CARMIL1: variants seen among roughly 807,000 people sequenced by gnomAD.
CARMIL1 encodes F-actin-uncapping protein LRRC16A.
A neutral mutation model predicts 177.1 loss-of-function variants in CARMIL1; 90 were observed. That is an observed-to-expected ratio of 0.51 (90% CI 0.43 to 0.61). CARMIL1 has a LOEUF of 0.61. Ranked by LOEUF, CARMIL1 falls within the 20% of genes least tolerant of loss-of-function variation. CARMIL1 has a pLI of 0.00. For synonymous variants in CARMIL1, 577 were observed against 606.2 expected (o/e 0.95, Z 0.71); for missense variants, 1,380 against 1,667.0 (o/e 0.83, Z 3.00).
chr6:25,300,713 GA>G (rs1782794160), intron 2 of CARMIL1, among the ~76,000 whole-genome samples: 6 of 152,216 alleles, frequency 3.9e-5, no homozygotes, highest in Admixed American at 3.3e-4. Flanking sequence ...TACTAAATCA[GA>G]AACTCTGGCA....
chr6:25,539,804 G>A, intron 25 of CARMIL1, 143 bp from the exon 26 acceptor site: 1 of 545,728 alleles, frequency 1.8e-6, no homozygotes, highest in Non-Finnish European at 2.9e-6. Context: ...CTGGACCTCA[G>A]TTTATTAATC....
chr6:25,311,198 A>G (rs959523060), intron 2 of CARMIL1, among the ~76,000 whole-genome samples: 3 of 152,190 alleles, frequency 2.0e-5, no homozygotes, highest in African/African-American at 7.2e-5. Flanking sequence ...AAAACAAAAC[A>G]CAAAAAAAAC....
At chr6:25,395,924 T>C (rs1209096946) in intron 2 of CARMIL1, among the ~76,000 whole-genome samples, 4 of 152,146 alleles carry the variant, frequency 2.6e-5, no homozygotes, top group Non-Finnish European at 5.9e-5. Flanking sequence ...ATGCGGGTCC[T>C]TGTGACTTCC....
intron 2 of CARMIL1, among the ~76,000 whole-genome samples, chr6:25,304,931 A>G (rs1176363888): frequency 1.3e-5 from 2 of 152,220 alleles, no homozygotes; most frequent in African/African-American, 4.8e-5. Context: ...GATTGAGTAC[A>G]TGATATCATT....
intron 5 of CARMIL1, among the ~76,000 whole-genome samples, chr6:25,445,517 T>C (rs1798146122): frequency 6.6e-6 from 1 of 152,024 alleles, no homozygotes; most frequent in African/African-American, 2.4e-5. Context: ...CTGCTTATAT[T>C]GCCTTACAAA....
rs189582037 is a variant in CARMIL1, at chr6:25,442,998, G to A, written c.372-6900G>A. ...CCTGTTTTTAATCCCACCAGCTTCC[G>A]GTCAAAGATTTTTGCCATATTTTCT... On this transcript the variant is annotated intron_variant, in intron 5 of 36. Transcript: ENST00000329474. Among the ~76,000 whole-genome samples, 148 of 152,108 alleles carry A rather than the reference G, an allele frequency of 9.7e-4. 1 individual carries two copies. Among genetic ancestry groups the A allele is most frequent in the African/African-American group, 3.4e-3 (141 of 41,488 alleles).
At chr6:25,507,851 C>A (rs957063082) in intron 17 of CARMIL1, among the ~76,000 whole-genome samples, 1 of 151,918 alleles carries the variant, frequency 6.6e-6, no homozygotes, top group African/African-American at 2.4e-5. Context: ...TAAATGAGTT[C>A]TTGCTTTAGC....
At chr6:25,530,833 C>T (rs1312768316) in intron 24 of CARMIL1, among the ~76,000 whole-genome samples, 1 of 152,160 alleles carries the variant, frequency 6.6e-6, no homozygotes, top group African/African-American at 2.4e-5. Flanking sequence ...GGAAAATCTA[C>T]TTTAAGCTGC....
chr6:25,556,434 CAAAT>C (rs1426194257), intron 28 of CARMIL1, among the ~76,000 whole-genome samples: 1 of 152,054 alleles, frequency 6.6e-6, no homozygotes, highest in African/African-American at 2.4e-5. Context: ...GAGGAATTAT[CAAAT>C]AAAATTAATA....
At chr6:25,397,809 A>G (rs1182253571) in intron 2 of CARMIL1, among the ~76,000 whole-genome samples, 1 of 152,212 alleles carries the variant, frequency 6.6e-6, no homozygotes, top group Non-Finnish European at 1.5e-5. Flanking sequence ...TTTCTCGGGG[A>G]ATACATGAAA....
intron 4 of CARMIL1, among the ~76,000 whole-genome samples, chr6:25,429,977 C>T (rs1462796476): frequency 6.6e-6 from 1 of 151,870 alleles, no homozygotes; most frequent in Non-Finnish European, 1.5e-5. Context: ...TCCCGAATAG[C>T]TGGGACTACA....
At chr6:25,605,985 G>C in intron 34 of CARMIL1, 76 bp from the exon 35 acceptor site, 1 of 990,570 alleles carries the variant, frequency 1.0e-6, no homozygotes, top group East Asian at 2.5e-5. Flanking sequence ...GATTACAGCA[G>C]TTTGTACCAG....
intron 4 of CARMIL1, among the ~76,000 whole-genome samples, chr6:25,428,773 T>C (rs866758056): frequency 6.6e-6 from 1 of 152,348 alleles, no homozygotes; most frequent in African/African-American, 2.4e-5. Flanking sequence ...TGTTTAATAT[T>C]TTTTGATGCT....
intron 5 of CARMIL1, among the ~76,000 whole-genome samples, chr6:25,442,337 A>G (rs1156306412): frequency 1.3e-5 from 2 of 151,528 alleles, no homozygotes; most frequent in African/African-American, 2.4e-5. Context: ...TGCTGAATCA[A>G]CGCTAGTGCT....
Position 25,401,757 on chromosome 6 carries a change from A to G in CARMIL1, c.139-18357A>G, listed in dbSNP as rs368445394. Among the ~76,000 whole-genome samples, 4 of 152,318 alleles carry G rather than the reference A, an allele frequency of 2.6e-5. No homozygotes were observed. In the East Asian group the frequency reaches 5.8e-4, roughly 22 times the overall value. On this transcript the variant is annotated intron_variant, in intron 2 of 36. Coordinates refer to ENST00000329474, the MANE Select transcript of CARMIL1 (RefSeq NM_017640.6). ...GTTTGCTGATGAATAAATGAACCCC[A>G]TTATACTGACAGCCACCTCACTAAT...
chr6:25,445,711 TG>T (rs1450307784), intron 5 of CARMIL1, among the ~76,000 whole-genome samples: 2 of 151,974 alleles, frequency 1.3e-5, no homozygotes, highest in Non-Finnish European at 2.9e-5. Context: ...ATTTTTTTTT[TG>T]TATTTTTAGT....
At chr6:25,537,538 G>A (rs1808423576) in intron 24 of CARMIL1, among the ~76,000 whole-genome samples, 1 of 152,186 alleles carries the variant, frequency 6.6e-6, no homozygotes, top group Admixed American at 6.5e-5. Flanking sequence ...ATGTCACTGA[G>A]TGAGGTTCTG....
chr6:25,403,358 C>A (rs1396177723), intron 2 of CARMIL1, among the ~76,000 whole-genome samples: 1 of 152,204 alleles, frequency 6.6e-6, no homozygotes, highest in Non-Finnish European at 1.5e-5. Context: ...CTCTCACAAG[C>A]TATTGCCGTT....
At chr6:25,513,797 C>G (rs556578820) in intron 20 of CARMIL1, among the ~76,000 whole-genome samples, 2 of 152,286 alleles carry the variant, frequency 1.3e-5, no homozygotes, top group Admixed American at 1.3e-4. Flanking sequence ...TAGATTACCC[C>G]AGAAGCTGCT....
Sources: gnomAD v4.1 joint callset for allele counts (sites outside exome capture counted in the v4.1 genomes callset) on GRCh38, gnomAD v4.1.1 for gene constraint, MANE v1.5 for transcripts, NCBI Gene and HGNC (gene_info 2026-07-23, HGNC 2026-07-21) for gene names.